NCKIPSD: variants seen among roughly 807,000 people sequenced by gnomAD.
NCKIPSD encodes NCK-interacting protein with SH3 domain.
Under a neutral mutation model 73.4 loss-of-function variants are expected in NCKIPSD, and 48 were observed. That is an observed-to-expected ratio of 0.65 (90% CI 0.52 to 0.83). The LOEUF is 0.83. Among genes scored for constraint, NCKIPSD ranks in the 40% least tolerant of loss-of-function variants. The pLI is 0.00. For synonymous variants in NCKIPSD, 422 were observed against 403.6 expected, an observed-to-expected ratio of 1.05 and a Z score of -0.54; for missense variants, 884 against 970.2, an observed-to-expected ratio of 0.91 and a Z score of 1.18.
rs1372268503 is a variant in NCKIPSD at position 48,685,811 on chromosome 3, G to A, written c.-4C>T. 3 of 1,476,404 alleles carry A rather than the reference G, an allele frequency of 2.0e-6. No homozygotes were observed. The highest frequency in any genetic ancestry group is 1.9e-4 in the Middle Eastern group (1 of 5,332). 91.5% of individuals were successfully genotyped at this position (1,476,404 alleles called of 1,614,324 possible). Reference sequence around the variant, plus strand: ...ACGCGTACAGCGCGCGGTACATGAGGCCGGGCAGGGCAGGTGCAGGGAAGG... The same window carrying A: ...ACGCGTACAGCGCGCGGTACATGAGACCGGGCAGGGCAGGTGCAGGGAAGG... On this transcript the variant is annotated 5_prime_UTR_variant, in exon 1 of 13. Transcript: ENST00000294129.
rs138506843 is a variant in NCKIPSD, at chr3:48,678,940, G to A, written c.1729C>T (p.Leu577=). ...AADQNVIMAA[L]SKHANVKIFS... Reference sequence around the variant, plus strand: ...ATCTTGACATTGGCGTGTTTGCTCAGGGCAGCCATGATGACATTCTGGTCA... The same window carrying A: ...ATCTTGACATTGGCGTGTTTGCTCAAGGCAGCCATGATGACATTCTGGTCA... Residue 577 remains leucine, a synonymous_variant, in exon 11 of 13, where the codon CTG becomes TTG. Coordinates refer to ENST00000294129, the MANE Select transcript of NCKIPSD (RefSeq NM_016453.4). 1 of 1,614,102 alleles carries A rather than the reference G, an allele frequency of 6.2e-7. No individual in the cohort carries two copies. The highest frequency in any genetic ancestry group is 8.5e-7 in the Non-Finnish European group (1 of 1,180,030).
Position 48,680,123 on chromosome 3 carries a change from C to G in NCKIPSD, c.1199G>C (p.Ser400Thr). Residue 400 changes from serine (S) to threonine (T), a missense_variant, in exon 6 of 13, where the codon AGT becomes ACT. Ser to Thr is a moderately conservative substitution (Grantham distance 58, BLOSUM62 1). Coordinates refer to ENST00000294129, the MANE Select transcript of NCKIPSD (RefSeq NM_016453.4). Reference sequence around the variant, plus strand: ...ACCCTCATCCTCATATAGTGCCCAACTGCGCTGCTGGGCGTCGTCCTTCCG... The same window carrying G: ...ACCCTCATCCTCATATAGTGCCCAAGTGCGCTGCTGGGCGTCGTCCTTCCG... Reference protein sequence around the residue: ...ARRKDDAQQRSWALYEDEGVI... With the variant: ...ARRKDDAQQRTWALYEDEGVI... 2 of 1,614,132 alleles carry G rather than the reference C, an allele frequency of 1.2e-6. No homozygotes were observed. Among genetic ancestry groups the G allele is most frequent in the Non-Finnish European group, 1.7e-6 (2 of 1,180,028 alleles).
At position 48,682,499 on chromosome 3, in the gene NCKIPSD, G is replaced by A; in HGVS notation, c.335C>T (p.Ser112Phe). 1 of 1,614,144 alleles carries A rather than the reference G, an allele frequency of 6.2e-7. No individual in the cohort carries two copies. The highest frequency in any genetic ancestry group is 8.5e-7 in the Non-Finnish European group (1 of 1,180,010). The change falls in exon 3 of 13, where the codon TCC becomes TTC. Residue 112 changes from serine to phenylalanine, a missense_variant. Transcript: ENST00000294129. ...TGATGAGGTCATAACTGCAACACTG[G>A]AGGCTGAAGGGCCTCTGCGTGACAG... ...ETLSRRGPSASSVAVMTSSTS... is the reference protein window; with the variant it reads ...ETLSRRGPSAFSVAVMTSSTS...
rs759347008 is a variant in NCKIPSD, at chr3:48,674,620, G to C, written c.2093C>G (p.Pro698Arg). 6.2e-7 allele frequency: 1 copy of C among 1,612,932 alleles called. No individual in the cohort carries two copies. Among genetic ancestry groups the C allele is most frequent in the Non-Finnish European group, 8.5e-7 (1 of 1,179,560 alleles). Residue 698 changes from proline (P) to arginine (R), a missense_variant, in exon 13 of 13, where the codon CCC becomes CGC. Transcript: ENST00000294129. ...RRILNEEETSPQCQMDRMIVR... is the reference protein window; with the variant it reads ...RRILNEEETSRQCQMDRMIVR... ...AATCATGCGGTCCATCTGGCACTGGGGTGAGGTCTCCTCCTCATTCAGGAT... is the reference window on the plus strand; with the variant it reads ...AATCATGCGGTCCATCTGGCACTGGCGTGAGGTCTCCTCCTCATTCAGGAT...
rs897437780 is a variant in NCKIPSD, at chr3:48,682,641, C to G, written c.282-89G>C. 3.4e-5 allele frequency: 49 copies of G among 1,442,724 alleles called. No homozygotes were observed. In the East Asian group the frequency reaches 1.1e-3, roughly 33 times the overall value. 89.4% of individuals were successfully genotyped at this position (1,442,724 alleles called of 1,614,324 possible). ...CCTGTGGGATGCTGGGACCCCATAG[C>G]CCAGGCCCCTCAGACATCCCCATCT... On this transcript the variant is annotated intron_variant, in intron 2 of 12. Transcript: ENST00000294129.
In NCKIPSD at chr3:48,685,693, G is replaced by T. The variant is rs2077426616; in HGVS notation, c.115C>A (p.Arg39=). The T allele has an allele frequency of 3.9e-6, 6 of 1,526,402 alleles. No individual in the cohort carries two copies. Among genetic ancestry groups the T allele is most frequent in the Non-Finnish European group, 5.3e-6 (6 of 1,142,822 alleles). The allele number at this position is 1,526,402 out of a possible 1,614,324, so 94.6% of individuals were successfully genotyped here. The change falls in exon 1 of 13, where the codon CGG becomes AGG. Residue 39 remains arginine (R), a synonymous_variant. Transcript: ENST00000294129. The stretch of plus-strand genomic sequence containing the variant: ...TAGCCCGTCTCACCACTGCGCGCCC[G>T]CGCGGCCAGCCACCAGTGCGCGCTG... ...RSSAHWWLAA[R]ARSGETGYVP...
chr3:48,679,512 C>G, intron 8 of NCKIPSD, 55 bp from the exon 9 acceptor site: 1 of 1,606,644 alleles, frequency 6.2e-7, no homozygotes, highest in Non-Finnish European at 8.5e-7. Context: ...GAAACCCCAG[C>G]AGATGGCAGG....
chr3:48,678,405 C>G, intron 12 of NCKIPSD, 159 bp downstream of exon 12: 2 of 941,452 alleles, frequency 2.1e-6, no homozygotes, highest in African/African-American at 3.3e-5. Flanking sequence ...CACCTCATGG[C>G]TGGCTCCTTT....
Position 48,679,431 on chromosome 3 carries a change from G to A in NCKIPSD, c.1516C>T (p.Leu506Phe), listed in dbSNP as rs1312707420. 1.2e-5 allele frequency: 20 copies of A among 1,613,716 alleles called. No individual in the cohort carries two copies. The highest frequency in any genetic ancestry group is 1.5e-5 in the Non-Finnish European group (18 of 1,179,850). Reference protein sequence around the residue: ...QDHQKLCYSALILAMVFSMGE... With the variant: ...QDHQKLCYSAFILAMVFSMGE... ...ATGGAGAAGACCATGGCCAGGATGA[G>A]GGCAGAGTAACAGAGTTTCTGGTGG... Residue 506 changes from leucine (L) to phenylalanine (F), a missense_variant, in exon 9 of 13, where the codon CTC becomes TTC. Leu to Phe is a conservative substitution (Grantham distance 22, BLOSUM62 0). Transcript: ENST00000294129.
chr3:48,681,677 T>C lies in NCKIPSD; in HGVS notation c.702A>G (p.Glu234=). 6.2e-7 allele frequency: 1 copy of C among 1,601,582 alleles called. No homozygotes were observed. Among genetic ancestry groups the C allele is most frequent in the Non-Finnish European group, 8.5e-7 (1 of 1,173,904 alleles). Reference sequence around the variant, plus strand: ...GTGTGGGTGAGCAGCTGGAGCCTGGTTCAGATGGGCTGGAGCTGGTATAGA... The same window carrying C: ...GTGTGGGTGAGCAGCTGGAGCCTGGCTCAGATGGGCTGGAGCTGGTATAGA... ...DTLYTSSSPS[E]PGSSCSPTPP... is the part of the protein sequence containing the mutation. The change falls in exon 5 of 13, where the codon GAA becomes GAG. Residue 234 remains glutamate, a synonymous_variant. Transcript: ENST00000294129.
At chr3:48,682,646 G>T in intron 2 of NCKIPSD, 94 bp from the exon 3 acceptor site, 1 of 1,414,408 alleles carries the variant, frequency 7.1e-7, no homozygotes, top group Non-Finnish European at 9.8e-7. Context: ...CATAGCCCAG[G>T]CCCCTCAGAC....
chr3:48,677,665 C>T (rs1020852712), intron 12 of NCKIPSD, among the ~76,000 whole-genome samples: 1 of 152,210 alleles, frequency 6.6e-6, no homozygotes, highest in African/African-American at 2.4e-5. Flanking sequence ...CAACCCCAGT[C>T]TCGCTCAGGC....
At position 48,681,713 on chromosome 3, in the gene NCKIPSD, G is replaced by T; in HGVS notation, c.666C>A (p.Ser222=). 2 of 1,557,334 alleles carry T rather than the reference G, an allele frequency of 1.3e-6. No individual in the cohort carries two copies. Among genetic ancestry groups the T allele is most frequent in the Non-Finnish European group, 1.7e-6 (2 of 1,152,190 alleles). The part of the protein sequence containing the change: ...VSSGSSVSST[S]LDTLYTSSSP... ...TGGAGCTGGTATAGAGCGTGTCCAG[G>T]GAGGTGCTGCTGACTGAGGAGCCGC... The change falls in exon 5 of 13, where the codon TCC becomes TCA. Residue 222 remains serine (S), a synonymous_variant. Transcript: ENST00000294129.
intron 8 of NCKIPSD, 53 bp from the exon 9 acceptor site, chr3:48,679,510 AGC>A: frequency 6.2e-7 from 1 of 1,606,982 alleles, no homozygotes; most frequent in South Asian, 1.1e-5. Context: ...AGGAAACCCC[AGC>A]AGATGGCAGG....
In NCKIPSD at chr3:48,679,397, G is replaced by A. The variant is rs750885972; in HGVS notation, c.1550C>T (p.Ala517Val). The A allele has an allele frequency of 3.7e-6, 6 of 1,614,058 alleles. No individual in the cohort carries two copies. The Admixed American group carries it at 6.7e-5, about 18-fold the overall frequency. Residue 517 changes from alanine to valine, a missense_variant, in exon 9 of 13, where the codon GCA (alanine) becomes GTA (valine). Physicochemically the swap from Ala to Val is moderately conservative, Grantham distance 64. Transcript: ENST00000294129. Reference protein sequence around the residue: ...ILAMVFSMGEAVPYAHYEHLG... With the variant: ...ILAMVFSMGEVVPYAHYEHLG... ...CTTACCATAGTGTGCATAGGGCACT[G>A]CCTCTCCCATGGAGAAGACCATGGC... is the stretch of plus-strand genomic sequence containing the variant.
In NCKIPSD at chr3:48,685,761, A is replaced by T. The variant is rs1490201892; in HGVS notation, c.47T>A (p.Leu16Gln). The change falls in exon 1 of 13, where the codon CTG becomes CAG. Residue 16 changes from leucine to glutamine, a missense_variant. Physicochemically the swap from Leu to Gln is moderately radical, Grantham distance 113. Transcript: ENST00000294129. ...YAFRSAEPNA[L>Q]AFAAGETFLV... ...GAAGGTCTCGCCCGCGGCGAACGCC[A>T]GCGCGTTGGGCTCCGCCGAGCGGAA... 2.5e-5 allele frequency: 38 copies of T among 1,534,006 alleles called. No homozygotes were observed. Among genetic ancestry groups the T allele is most frequent in the Non-Finnish European group, 3.3e-5 (38 of 1,149,166 alleles).
Position 48,681,444 on chromosome 3 carries a change from A to G in NCKIPSD, c.935T>C (p.Ile312Thr), listed in dbSNP as rs752012582. The stretch of plus-strand genomic sequence containing the variant: ...CACCAGCTCCATCAGCTCGGCCCCA[A>G]TGGTCCTGGGCACAGCCGCCTCAGC... Reference protein sequence around the residue: ...AAAEAAVPRTIGAELMELVRR... With the variant: ...AAAEAAVPRTTGAELMELVRR... The change falls in exon 5 of 13, where the codon ATT becomes ACT. Residue 312 changes from isoleucine (I) to threonine (T), a missense_variant. Transcript: ENST00000294129. 50 of 1,613,934 alleles carry G rather than the reference A, an allele frequency of 3.1e-5. No homozygotes were observed. The highest frequency in any genetic ancestry group is 1.1e-4 in the African/African-American group (8 of 74,930).
chr3:48,682,722 T>C (rs2077375810), intron 2 of NCKIPSD, 170 bp from the exon 3 acceptor site: 1 of 1,115,260 alleles, frequency 9.0e-7, no homozygotes. Flanking sequence ...TCCTGCGCTC[T>C]GCACACCCCT....
chr3:48,678,438 G>T, intron 12 of NCKIPSD, 126 bp downstream of exon 12: 1 of 1,239,814 alleles, frequency 8.1e-7, no homozygotes, highest in Non-Finnish European at 1.1e-6. Flanking sequence ...ACCTATCATG[G>T]CCTCCTACAC....
Sources: gnomAD v4.1 joint callset for allele counts (sites outside exome capture counted in the v4.1 genomes callset) on GRCh38, gnomAD v4.1.1 for gene constraint, MANE v1.5 for transcripts, NCBI Gene and HGNC (gene_info 2026-07-23, HGNC 2026-07-21) for gene names.